Variants in SGCD observed in about 807,000 individuals in gnomAD.
SGCD encodes the protein sarcoglycan delta.
A neutral mutation model predicts 36.6 loss-of-function variants in SGCD; 18 were observed. The observed-to-expected ratio is 0.49, with a 90% confidence interval of 0.34 to 0.73. The LOEUF (loss-of-function observed/expected upper bound fraction) is 0.73. Among genes scored for constraint, SGCD ranks in the 30% least tolerant of loss-of-function variants. The probability of loss-of-function intolerance (pLI) is 0.01; values close to 1 mark genes in which losing one functional copy is unlikely to be tolerated. For synonymous variants in SGCD, 133 were observed against 130.6 expected, an observed-to-expected ratio of 1.02 and a Z score of -0.12; for missense variants, 387 against 346.7, an observed-to-expected ratio of 1.12 and a Z score of -0.92.
At chr5:156,453,154 A>AG (rs1204414855) in intron 3 of SGCD, among the ~76,000 whole-genome samples, 1 of 152,226 alleles carries the variant, frequency 6.6e-6, no homozygotes, top group Non-Finnish European at 1.5e-5. Context: ...GGAAGGCTGA[A>AG]GAAACTAAGG....
chr5:156,258,601 ATCT>A (rs1218427819), intron 3 of SGCD, among the ~76,000 whole-genome samples: 4 of 152,202 alleles, frequency 2.6e-5, no homozygotes, highest in African/African-American at 7.2e-5. Context: ...ATGTGGTCAC[ATCT>A]TCTTCATATA....
chr5:156,410,528 TG>T (rs200603276), intron 3 of SGCD, among the ~76,000 whole-genome samples: 1 of 152,150 alleles, frequency 6.6e-6, no homozygotes, highest in South Asian at 2.1e-4. Flanking sequence ...AAATGAAAGT[TG>T]GAATTATTTT....
chr5:156,040,651 C>A (rs998258261), intron 1 of SGCD, among the ~76,000 whole-genome samples: 1 of 152,144 alleles, frequency 6.6e-6, no homozygotes, highest in African/African-American at 2.4e-5. Context: ...AATTCATAGG[C>A]CTAGGTGGTG....
At chr5:156,118,173 G>C (rs1265621316) in intron 2 of SGCD, among the ~76,000 whole-genome samples, 1 of 152,128 alleles carries the variant, frequency 6.6e-6, no homozygotes, top group Non-Finnish European at 1.5e-5. Flanking sequence ...AGGGCCCACT[G>C]TCTAGATTTG....
At chr5:156,517,838 G>A (rs1186992668) in intron 4 of SGCD, among the ~76,000 whole-genome samples, 2 of 152,196 alleles carry the variant, frequency 1.3e-5, no homozygotes, top group Non-Finnish European at 2.9e-5. Flanking sequence ...GCTCCTGAAG[G>A]AAGCACTAAC....
At chr5:156,006,747 A>T (rs1186270128) in intron 1 of SGCD, among the ~76,000 whole-genome samples, 2 of 152,210 alleles carry the variant, frequency 1.3e-5, no homozygotes, top group African/African-American at 4.8e-5. Context: ...CTAAAATGTT[A>T]ATCTATTGTA....
At chr5:156,590,406 C>G (rs1760681042) in intron 5 of SGCD, among the ~76,000 whole-genome samples, 1 of 152,048 alleles carries the variant, frequency 6.6e-6, no homozygotes, top group South Asian at 2.1e-4. Context: ...AACTGCTGCC[C>G]GGCAGAGCCC....
At chr5:156,360,296 G>A (rs1382273012) in intron 3 of SGCD, among the ~76,000 whole-genome samples, 2 of 148,816 alleles carry the variant, frequency 1.3e-5, no homozygotes, top group Non-Finnish European at 3.0e-5. Flanking sequence ...CACCCAGGCT[G>A]GAGTGCAATG....
chr5:156,403,267 TAGA>T (rs1772245992), intron 3 of SGCD, among the ~76,000 whole-genome samples: 1 of 152,208 alleles, frequency 6.6e-6, no homozygotes, highest in Admixed American at 6.5e-5. Context: ...ATGTGTTCCT[TAGA>T]ATCACAATTT....
rs1159337817 is a variant in SGCD at position 156,106,109 on chromosome 5, CAAAAAAAAAAAA to C, written c.-281-11750_-281-11739del. Among the ~76,000 whole-genome samples the C allele has an allele frequency of 4.6e-4, 16 of 34,914 alleles. 1 individual carries two copies. In the Admixed American group the frequency reaches 5.0e-3, roughly 11 times the overall value. 22.9% of individuals were successfully genotyped at this position (34,914 alleles called of 152,430 possible). ...TGGGTGACAGAGTGAGACTCTGCCT[CAAAAAAAAAAAA>C]AAAAAAAAAAAAAAAAAAGAAAGCA... On this transcript the variant is annotated intron_variant, in intron 1 of 9. Coordinates refer to the SGCD transcript ENST00000517913.
rs1383187882 is a variant in SGCD at position 156,759,264 on chromosome 5, A to T, written c.747A>T (p.Gly249=). ...TCAGGCTACCTAGACTGCCTCATGG[A>T]TCCTACACGCCTACAGGAACGAGGC... ...AKIRLPRLPH[G]SYTPTGTRQK... The change falls in exon 9 of 9, where the codon GGA becomes GGT. Residue 249 remains glycine, a synonymous_variant. Transcript: ENST00000337851. 1 of 1,613,744 alleles carries T rather than the reference A, an allele frequency of 6.2e-7. No homozygotes were observed. Among genetic ancestry groups the T allele is most frequent in the South Asian group, 1.1e-5 (1 of 91,074 alleles).
intron 3 of SGCD, among the ~76,000 whole-genome samples, chr5:156,490,618 C>T (rs1270897181): frequency 1.3e-5 from 2 of 151,940 alleles, no homozygotes; most frequent in Non-Finnish European, 2.9e-5. Flanking sequence ...ATAATCCTCT[C>T]AAGAAATGCA....
At chr5:156,216,296 A>G (rs79912697) in intron 3 of SGCD, among the ~76,000 whole-genome samples, 2,592 of 152,312 alleles carry the variant, frequency 0.017, 32 homozygotes, top group Non-Finnish European at 0.029. Context: ...ATTCTTCAAA[A>G]TTACTAGGAA....
At chr5:156,633,829 T>G (rs1319624382) in intron 6 of SGCD, among the ~76,000 whole-genome samples, 1 of 152,182 alleles carries the variant, frequency 6.6e-6, no homozygotes. Context: ...TTTGGTCAGT[T>G]AAGATCATCT....
At chr5:155,765,824 T>G in the SGCD span, among the ~76,000 whole-genome samples, 1 of 152,050 alleles carries the variant, frequency 6.6e-6, no homozygotes, top group African/African-American at 2.4e-5. Context: ...CAGCAAGAAG[T>G]CTTTGGTGGT....
chr5:156,444,976 A>G (rs1203547506), intron 3 of SGCD, among the ~76,000 whole-genome samples: 1 of 152,172 alleles, frequency 6.6e-6, no homozygotes, highest in Non-Finnish European at 1.5e-5. Context: ...CCACTTTTAC[A>G]TTAACTAGGT....
intron 7 of SGCD, among the ~76,000 whole-genome samples, chr5:156,728,591 G>T (rs540146097): frequency 2.0e-3 from 289 of 145,704 alleles, no homozygotes; most frequent in African/African-American, 7.1e-3. Flanking sequence ...TTTTTTATCA[G>T]CAGTGCCCCC....
intron 6 of SGCD, among the ~76,000 whole-genome samples, chr5:156,612,901 C>T (rs6892972): frequency 0.02 from 3,043 of 152,282 alleles, 74 homozygotes; most frequent in African/African-American, 0.047. Context: ...AAATTGCATT[C>T]GGGGCCTATA....
At chr5:156,324,223 G>A (rs1434514008), upstream of SGCD, among the ~76,000 whole-genome samples, 3 of 152,274 alleles carry the variant, frequency 2.0e-5, no homozygotes, top group African/African-American at 7.2e-5. Flanking sequence ...TTAGGTACAA[G>A]ACTGGTAATG....
Sources: gnomAD v4.1 joint callset for allele counts (sites outside exome capture counted in the v4.1 genomes callset) on GRCh38, gnomAD v4.1.1 for gene constraint, MANE v1.5 for transcripts, NCBI Gene and HGNC (gene_info 2026-07-23, HGNC 2026-07-21) for gene names.